Variants in ADGRD1 observed in about 807,000 individuals in gnomAD.
ADGRD1 encodes adhesion G protein-coupled receptor D1, also known as G-protein coupled receptor 133.
In ADGRD1, 77 loss-of-function variants were observed where a neutral mutation model predicts 113.4. The observed-to-expected ratio is 0.68, with a 90% CI of 0.57 to 0.82. ADGRD1 has a LOEUF of 0.82. Ranked by LOEUF, ADGRD1 falls within the 40% of genes least tolerant of loss-of-function variation. ADGRD1 has a pLI of 0.00. For synonymous variants in ADGRD1, 474 were observed against 475.0 expected (o/e 1.00, Z 0.03); for missense variants, 1,036 against 1,139.1 (o/e 0.91, Z 1.30).
At chr12:130,964,676 G>A (rs1870810239) in intron 2 of ADGRD1, among the ~76,000 whole-genome samples, 1 of 152,124 alleles carries the variant, frequency 6.6e-6, no homozygotes. Flanking sequence ...CAACAGCGAA[G>A]CTCTATCTCA....
At chr12:131,104,546 C>T (rs773877609) in intron 15 of ADGRD1, among the ~76,000 whole-genome samples, 9 of 152,110 alleles carry the variant, frequency 5.9e-5, no homozygotes, top group Admixed American at 2.0e-4. Context: ...AGGCTCAGCG[C>T]CTGCCCGGGC....
intron 13 of ADGRD1, among the ~76,000 whole-genome samples, chr12:131,072,157 G>A (rs934864682): frequency 1.3e-5 from 2 of 151,530 alleles, no homozygotes; most frequent in Non-Finnish European, 2.9e-5. Context: ...CACAAACCGA[G>A]CGTGAGAATC....
intron 13 of ADGRD1, among the ~76,000 whole-genome samples, chr12:131,058,997 A>C (rs1239756430): frequency 3.3e-5 from 5 of 152,114 alleles, no homozygotes; most frequent in Non-Finnish European, 5.9e-5. Context: ...CACGGATATT[A>C]TATCTTTCGT....
chr12:130,961,947 A>G (rs1350044242), intron 2 of ADGRD1, among the ~76,000 whole-genome samples: 1 of 152,190 alleles, frequency 6.6e-6, no homozygotes, highest in Non-Finnish European at 1.5e-5. Flanking sequence ...CTTAATTTAG[A>G]CAGGGCACAG....
At chr12:131,012,276 C>CA (rs1878019452) in intron 12 of ADGRD1, among the ~76,000 whole-genome samples, 1 of 92,978 alleles carries the variant, frequency 1.1e-5, no homozygotes, top group Admixed American at 1.0e-4. Flanking sequence ...GCTTTCTTTT[C>CA]ATTTTTTTTT....
At position 131,133,171 on chromosome 12, in the gene ADGRD1, C is replaced by T. The variant is rs192489294; in HGVS notation, c.2267+1355C>T. 3.3e-3 allele frequency among the ~76,000 whole-genome samples: 495 copies of T among 152,194 alleles called. 10 individuals are homozygous for T. The highest frequency in any genetic ancestry group is 2.3e-3 in the Non-Finnish European group (156 of 68,018). The stretch of plus-strand genomic sequence containing the variant: ...TGGGGAGGGACCTGTCCCTTCCTCA[C>T]CCCAGCCCTCAGCTCCCCAGGCCCT... On this transcript the variant is annotated intron_variant, in intron 21 of 24. Transcript: ENST00000261654.
chr12:131,040,793 C>T (rs958332913), intron 13 of ADGRD1, among the ~76,000 whole-genome samples: 6 of 152,356 alleles, frequency 3.9e-5, no homozygotes, highest in Admixed American at 2.6e-4. Flanking sequence ...CAGGCTTGCT[C>T]GCTCTTGGAC....
At chr12:131,073,308 C>T (rs940383271) in intron 13 of ADGRD1, among the ~76,000 whole-genome samples, 2 of 152,120 alleles carry the variant, frequency 1.3e-5, no homozygotes, top group Non-Finnish European at 2.9e-5. Context: ...TCTCCCATTA[C>T]TTCTGTTATC....
At chr12:130,962,151 A>ATTGCTTGTTTCCAGTCAGTG (rs1389311264) in intron 2 of ADGRD1, 1 of 152,196 alleles carries the variant, frequency 6.6e-6, no homozygotes, top group East Asian at 1.9e-4. Context: ...CAGCCCCTTC[A>ATTGCTTGTTTCCAGTCAGTG]TTGCTTGTTT....
intron 24 of ADGRD1, 27 bp downstream of exon 24, chr12:131,138,256 GT>G (rs1168778442): frequency 3.1e-6 from 5 of 1,593,042 alleles, no homozygotes; most frequent in Middle Eastern, 1.7e-4. Context: ...TAAACCGAGG[GT>G]CCCAGCCCAT....
At chr12:130,972,267 A>G (rs758579395) in intron 4 of ADGRD1, among the ~76,000 whole-genome samples, 2 of 152,164 alleles carry the variant, frequency 1.3e-5, no homozygotes, top group Non-Finnish European at 2.9e-5. Context: ...ACCAGCTTGG[A>G]GCCTTCAAGT....
At position 131,084,410 on chromosome 12, in the gene ADGRD1, T is replaced by C. The variant is rs1354972137; in HGVS notation, c.1548-130T>C. 59 of 927,730 alleles carry C rather than the reference T, an allele frequency of 6.4e-5. No homozygotes were observed. The highest frequency in any genetic ancestry group is 7.8e-5 in the Non-Finnish European group (46 of 591,446). The allele number at this position is 927,730 out of a possible 1,614,324, so 57.5% of individuals were successfully genotyped here. A position where few individuals can be genotyped will look rare whatever the true frequency, so the allele number is the denominator to read the frequency against. ...CCCACACCACGGTCTGGGTGTGCAT[T>C]CCTGGCGTGGCAGGTGTGGGCGCCG... On this transcript the variant is annotated intron_variant, in intron 14 of 24. Transcript: ENST00000261654. This position sits in a 1 kb window ranked among gnomAD's most constrained non-coding sequence, Gnocchi z 4.5.
rs1188195587 is a variant in ADGRD1, at chr12:130,969,405, G to A, written c.188-2053G>A. 6.7e-5 allele frequency: 17 copies of A among 253,290 alleles called. No individual in the cohort carries two copies. The East Asian group carries it at 9.1e-4, about 14-fold the overall frequency. The allele number at this position is 253,290 out of a possible 1,614,324, so 15.7% of individuals were successfully genotyped here. A position where few individuals can be genotyped will look rare whatever the true frequency, so the allele number is the denominator to read the frequency against. ...CCTGTATTTACAGCTGCTCCCTATC[G>A]CTCACATTACCGCCCGAGCTCCACC... On this transcript the variant is annotated intron_variant, in intron 3 of 24. Coordinates refer to ENST00000261654, the MANE Select transcript of ADGRD1 (RefSeq NM_198827.5).
chr12:130,972,545 T>C (rs906781869), intron 4 of ADGRD1, among the ~76,000 whole-genome samples: 2 of 152,044 alleles, frequency 1.3e-5, no homozygotes, highest in Middle Eastern at 3.2e-3. Context: ...CACGGTCAGG[T>C]TTACAAACTC....
intron 11 of ADGRD1, among the ~76,000 whole-genome samples, chr12:131,005,648 A>G (rs1876991249): frequency 7.1e-6 from 1 of 140,534 alleles, no homozygotes; most frequent in Non-Finnish European, 1.6e-5. Context: ...AGACTGTGTG[A>G]TGCCCTGGGT....
chr12:130,979,793 G>A (rs1263831594), intron 4 of ADGRD1, among the ~76,000 whole-genome samples: 5 of 148,106 alleles, frequency 3.4e-5, no homozygotes, highest in African/African-American at 5.0e-5. Context: ...GTCAGGGGCA[G>A]AATCCAGACA....
At chr12:131,080,690 G>C (rs563280541) in intron 14 of ADGRD1, among the ~76,000 whole-genome samples, 5 of 151,990 alleles carry the variant, frequency 3.3e-5, no homozygotes, top group Non-Finnish European at 7.4e-5. Context: ...GCATGGTCTC[G>C]GCTCACTGCA....
rs760220849 is a variant in ADGRD1, at chr12:131,108,833, G to T, written c.1997G>T (p.Gly666Val). Residue 666 changes from glycine to valine, a missense_variant, in exon 18 of 25, where the codon GGG (glycine) becomes GTG (valine). By Grantham distance (109) the Gly-to-Val change is moderately radical. Coordinates refer to ENST00000261654, the MANE Select transcript of ADGRD1 (RefSeq NM_198827.5). ...TACAGCATGGTGATCAAGGTCTTTG[G>T]GTCGGAGGACAGCAAGCACCGTTAC... ...HLYSMVIKVF[G>V]SEDSKHRYYY... 1.2e-5 allele frequency: 20 copies of T among 1,613,842 alleles called. No homozygotes were observed. The East Asian group carries it at 4.0e-4, about 32-fold the overall frequency.
Position 130,996,737 on chromosome 12 carries a change from T to C in ADGRD1, c.967-3646T>C, listed in dbSNP as rs1314702240. ...CCCCCCACCACCCTCCCGGACGGGG[T>C]GGCTGGCCGGGCAGAGGGGCTCCTC... On this transcript the variant is annotated intron_variant, in intron 8 of 24. Transcript: ENST00000261654. 2.5e-3 allele frequency among the ~76,000 whole-genome samples: 118 copies of C among 47,396 alleles called. 7 individuals are homozygous for C. Among genetic ancestry groups the C allele is most frequent in the Non-Finnish European group, 3.3e-3 (79 of 23,604 alleles). The allele number at this position is 47,396 out of a possible 152,430, so 31.1% of individuals were successfully genotyped here.
Sources: gnomAD v4.1 joint callset for allele counts (sites outside exome capture counted in the v4.1 genomes callset) on GRCh38, gnomAD v4.1.1 for gene constraint, Gnocchi (gnomAD v3.1) non-coding constraint, MANE v1.5 for transcripts, NCBI Gene and HGNC (gene_info 2026-07-23, HGNC 2026-07-21) for gene names.